SCHIP1: variants seen among roughly 807,000 people sequenced by gnomAD.
SCHIP1 encodes schwannomin-interacting protein 1.
In SCHIP1, 8 loss-of-function variants were observed where a neutral mutation model predicts 29.7. The ratio of observed to expected loss-of-function variants is 0.27; its 90% CI spans 0.16 to 0.49. The LOEUF (loss-of-function observed/expected upper bound fraction) is 0.49, where lower values mean the gene tolerates loss of function less well. Ranked by LOEUF, SCHIP1 falls within the 20% of genes least tolerant of loss-of-function variation. The pLI is 0.99. For synonymous variants in SCHIP1, 76 were observed against 94.9 expected, an observed-to-expected ratio of 0.80 and a Z score of 1.16; for missense variants, 193 against 294.6, an observed-to-expected ratio of 0.66 and a Z score of 2.52.
chr3:159,452,322 C>T, the SCHIP1 span, among the ~76,000 whole-genome samples: 1 of 151,910 alleles, frequency 6.6e-6, no homozygotes, highest in African/African-American at 2.4e-5. Flanking sequence ...CCCAATAGAA[C>T]CCAGTGTGTG....
chr3:159,651,363 T>G, the SCHIP1 span, among the ~76,000 whole-genome samples: 1 of 152,160 alleles, frequency 6.6e-6, no homozygotes, highest in Middle Eastern at 3.2e-3. Context: ...TTAGTAAAGT[T>G]TATCAGGTAA....
chr3:159,838,517 A>G (rs1743887679), upstream of SCHIP1, among the ~76,000 whole-genome samples: 1 of 152,192 alleles, frequency 6.6e-6, no homozygotes, highest in Non-Finnish European at 1.5e-5. Context: ...TAATGTCCCT[A>G]TTGATTTTTT....
chr3:159,354,550 C>A, the SCHIP1 span, among the ~76,000 whole-genome samples: 1 of 152,198 alleles, frequency 6.6e-6, no homozygotes, highest in African/African-American at 2.4e-5. Context: ...CTATAACATT[C>A]TTCTTATTGG....
At chr3:159,713,269 A>AAAG in the SCHIP1 span, among the ~76,000 whole-genome samples, 1 of 151,206 alleles carries the variant, frequency 6.6e-6, no homozygotes, top group Non-Finnish European at 1.5e-5. Flanking sequence ...AGAAAGAAAG[A>AAAG]AAGAAAGAAA....
the SCHIP1 span, among the ~76,000 whole-genome samples, chr3:159,352,820 C>T: frequency 1.3e-5 from 2 of 151,162 alleles, no homozygotes; most frequent in Admixed American, 6.6e-5. Context: ...CCCTCTAAAA[C>T]CATGATTTCA....
chr3:159,612,343 A>G, the SCHIP1 span, among the ~76,000 whole-genome samples: 2 of 152,236 alleles, frequency 1.3e-5, no homozygotes, highest in Admixed American at 6.5e-5. Flanking sequence ...AATGCACTCT[A>G]TAGAAAATTA....
the SCHIP1 span, among the ~76,000 whole-genome samples, chr3:159,291,580 A>T: frequency 2.0e-5 from 3 of 152,204 alleles, no homozygotes; most frequent in Non-Finnish European, 4.4e-5. Flanking sequence ...ATGGGAAATT[A>T]TACCAAGGAT....
the SCHIP1 span, among the ~76,000 whole-genome samples, chr3:159,562,324 T>G: frequency 6.6e-6 from 1 of 152,238 alleles, no homozygotes; most frequent in Non-Finnish European, 1.5e-5. Flanking sequence ...TACTCACTGC[T>G]GAGGAAAGTA....
At chr3:159,524,095 T>C in the SCHIP1 span, among the ~76,000 whole-genome samples, 1 of 152,134 alleles carries the variant, frequency 6.6e-6, no homozygotes, top group African/African-American at 2.4e-5. Context: ...GCATACATGA[T>C]CACCCTCATC....
the SCHIP1 span, among the ~76,000 whole-genome samples, chr3:159,327,744 G>A: frequency 6.6e-6 from 1 of 152,170 alleles, no homozygotes; most frequent in Admixed American, 6.5e-5. Context: ...TGTGGAATGA[G>A]ACTCTGGTGG....
At chr3:159,484,821 T>A in the SCHIP1 span, among the ~76,000 whole-genome samples, 1 of 152,186 alleles carries the variant, frequency 6.6e-6, no homozygotes, top group Admixed American at 6.6e-5. Flanking sequence ...GTTTTCTGTC[T>A]GAGCCAAAGC....
the SCHIP1 span, among the ~76,000 whole-genome samples, chr3:159,622,362 T>C: frequency 2.0e-5 from 3 of 152,340 alleles, no homozygotes; most frequent in South Asian, 6.2e-4. Flanking sequence ...GATAATTATA[T>C]AAACAAATAG....
chr3:159,810,155 C>T, the SCHIP1 span, among the ~76,000 whole-genome samples: 1 of 152,208 alleles, frequency 6.6e-6, no homozygotes, highest in Non-Finnish European at 1.5e-5. Context: ...AAGTGATTCT[C>T]CTGCCTCGGC....
At chr3:159,399,319 CTTGTA>C in the SCHIP1 span, among the ~76,000 whole-genome samples, 12 of 152,096 alleles carry the variant, frequency 7.9e-5, no homozygotes, top group East Asian at 5.8e-4. Flanking sequence ...TTCTTATCAT[CTTGTA>C]TTGTATTGTA....
chr3:159,339,267 A>C, the SCHIP1 span, among the ~76,000 whole-genome samples: 5 of 152,026 alleles, frequency 3.3e-5, no homozygotes, highest in South Asian at 2.1e-4. Context: ...AAAAAAAAAA[A>C]AAAAACCTTG....
the SCHIP1 span, among the ~76,000 whole-genome samples, chr3:159,502,596 A>T: frequency 6.6e-6 from 1 of 151,886 alleles, no homozygotes; most frequent in Non-Finnish European, 1.5e-5. Context: ...GCACCCATTA[A>T]CTCACCATTT....
the SCHIP1 span, among the ~76,000 whole-genome samples, chr3:159,559,057 G>A: frequency 2.6e-5 from 4 of 152,308 alleles, no homozygotes; most frequent in African/African-American, 9.6e-5. Context: ...GCCATTCCCA[G>A]AAGGAATGAA....
chr3:159,374,627 G>T, the SCHIP1 span, among the ~76,000 whole-genome samples: 30,606 of 152,072 alleles, frequency 0.2, 4,338 homozygotes, highest in African/African-American at 0.4. Flanking sequence ...ACAGAAATAT[G>T]TAATTTCACA....
the SCHIP1 span, among the ~76,000 whole-genome samples, chr3:159,754,836 G>C: frequency 6.6e-6 from 1 of 152,254 alleles, no homozygotes; most frequent in East Asian, 1.9e-4. Flanking sequence ...ATCTAGGGAT[G>C]AATTGAGGAT....
Sources: gnomAD v4.1 joint callset for allele counts (sites outside exome capture counted in the v4.1 genomes callset) on GRCh38, gnomAD v4.1.1 for gene constraint, MANE v1.5 for transcripts, NCBI Gene and HGNC (gene_info 2026-07-23, HGNC 2026-07-21) for gene names.